Variants in PROSER2 observed in about 807,000 individuals in gnomAD.
PROSER2 encodes proline and serine rich 2.
Under a neutral mutation model 14.6 loss-of-function variants are expected in PROSER2, and 18 were observed. The ratio of observed to expected loss-of-function variants is 1.23; its 90% CI spans 0.85 to 1.83. PROSER2 has a LOEUF of 1.83. PROSER2 is among the 40% of genes most tolerant of loss of function. The probability of loss-of-function intolerance (pLI) is 0.00; values close to 1 mark genes in which losing one functional copy is unlikely to be tolerated. For synonymous variants in PROSER2, 367 were observed against 286.4 expected (o/e 1.28, Z -2.84); for missense variants, 823 against 629.8 (o/e 1.31, Z -3.28).
chr10:11,861,625 A>T (rs1451661708), intron 2 of PROSER2, among the ~76,000 whole-genome samples: 7 of 152,190 alleles, frequency 4.6e-5, no homozygotes, highest in African/African-American at 7.2e-5. Context: ...AGCAGGGAGC[A>T]AGAAGCGACA....
rs1050640599 is a variant in PROSER2 at position 11,866,159 on chromosome 10, C to T, written c.139-372C>T. On this transcript the variant is annotated intron_variant, in intron 2 of 3. Transcript: ENST00000277570. This position sits in a 1 kb window ranked among gnomAD's most constrained non-coding sequence, Gnocchi z 6.0. ...GAGAAAGGAGATAAATATGTGAGTT[C>T]AATCCACCATCTTTAAGCAGAGGTT... 1.3e-5 allele frequency among the ~76,000 whole-genome samples: 2 copies of T among 152,134 alleles called. No homozygotes were observed. Among genetic ancestry groups the T allele is most frequent in the Admixed American group, 1.3e-4 (2 of 15,280 alleles).
rs1198696407 is a variant in PROSER2, at chr10:11,869,682, T to C, written c.584T>C (p.Leu195Pro). 1.3e-6 allele frequency: 2 copies of C among 1,597,296 alleles called. No homozygotes were observed. Among genetic ancestry groups the C allele is most frequent in the South Asian group, 2.3e-5 (2 of 88,674 alleles). The change falls in exon 4 of 4, where the codon CTC becomes CCC. Residue 195 changes from leucine (L) to proline (P), a missense_variant. By Grantham distance (98) the Leu-to-Pro change is moderately conservative (BLOSUM62 -3). Transcript: ENST00000277570. The surrounding 1 kb of genome is among the most constrained non-coding windows in gnomAD (Gnocchi z 4.4). The part of the protein sequence containing the change: ...PRLLRSVPTP[L>P]VMAQKISERM... ...CTCCTGCGCTCTGTTCCCACGCCCCTCGTTATGGCGCAGAAGATTTCCGAG... is the reference window on the plus strand; with the variant it reads ...CTCCTGCGCTCTGTTCCCACGCCCCCCGTTATGGCGCAGAAGATTTCCGAG...
Position 11,870,078 on chromosome 10 carries a change from A to T in PROSER2, c.980A>T (p.Glu327Val). 1 of 1,276,776 alleles carries T rather than the reference A, an allele frequency of 7.8e-7. No individual in the cohort carries two copies. Among genetic ancestry groups the T allele is most frequent in the Non-Finnish European group, 9.9e-7 (1 of 1,011,934 alleles). The allele number at this position is 1,276,776 out of a possible 1,614,324, so 79.1% of individuals were successfully genotyped here. Residue 327 changes from glutamate to valine, a missense_variant, in exon 4 of 4, where the codon GAG (glutamate) becomes GTG (valine). Coordinates refer to ENST00000277570, the MANE Select transcript of PROSER2 (RefSeq NM_153256.4). ...GGCCGGGGCCTGCCGGGCCCCGCTG[A>T]GAGTCTCCGGGCAGGGGGTCAGGCT... Reference protein sequence around the residue: ...ARGRGLPGPAESLRAGGQAPR... With the variant: ...ARGRGLPGPAVSLRAGGQAPR...
rs1251003712 is a variant in PROSER2 at position 11,870,353 on chromosome 10, G to A, written c.1255G>A (p.Glu419Lys). 12 of 1,508,808 alleles carry A rather than the reference G, an allele frequency of 8.0e-6. No homozygotes were observed. The highest frequency in any genetic ancestry group is 1.8e-4 in the Middle Eastern group (1 of 5,572). The allele number at this position is 1,508,808 out of a possible 1,614,324, so 93.5% of individuals were successfully genotyped here. Residue 419 changes from glutamate (E) to lysine (K), a missense_variant, in exon 4 of 4, where the codon GAG (glutamate) becomes AAG (lysine). By Grantham distance (56) the Glu-to-Lys change is moderately conservative. Coordinates refer to ENST00000277570, the MANE Select transcript of PROSER2 (RefSeq NM_153256.4). The stretch of plus-strand genomic sequence containing the variant: ...GTTCGCGGGCCGCGGCTCCTCGGAG[G>A]AGGCGCGCAGGGAGGCCCTGCGGAA... ...VQFAGRGSSE[E>K]ARREALRKLG... is the part of the protein sequence containing the mutation.
chr10:11,852,813 C>T (rs1259460060), intron 2 of PROSER2, among the ~76,000 whole-genome samples: 5 of 151,164 alleles, frequency 3.3e-5, no homozygotes, highest in South Asian at 2.1e-4. Flanking sequence ...TGAGCCACCG[C>T]GCCAGGCCTC....
In PROSER2 at chr10:11,870,273, C is replaced by G. The variant is rs1164081365; in HGVS notation, c.1175C>G (p.Ala392Gly). The G allele has an allele frequency of 1.2e-5, 18 of 1,491,638 alleles. No homozygotes were observed. Among genetic ancestry groups the G allele is most frequent in the Middle Eastern group, 2.3e-4 (1 of 4,368 alleles). The allele number at this position is 1,491,638 out of a possible 1,614,324, so 92.4% of individuals were successfully genotyped here. A position where few individuals can be genotyped will look rare whatever the true frequency, so the allele number is the denominator to read the frequency against. The change falls in exon 4 of 4, where the codon GCC becomes GGC. Residue 392 changes from alanine (A) to glycine (G), a missense_variant. Transcript: ENST00000277570. ...CCCGGGCCCCGGCAGCCCAACGGCG[C>G]CCAGGACTGGCGCCGCGCAGACTCC... ...SFPGPRQPNG[A>G]QDWRRADSLP...
chr10:11,849,402 G>A (rs543845863), intron 1 of PROSER2, among the ~76,000 whole-genome samples: 86 of 152,250 alleles, frequency 5.6e-4, no homozygotes, highest in Middle Eastern at 3.4e-3. Flanking sequence ...GTAGGTCTAG[G>A]TCTGAGTCCC....
intron 1 of PROSER2, among the ~76,000 whole-genome samples, chr10:11,828,283 TAAAG>T (rs1833641801): frequency 6.8e-6 from 1 of 145,990 alleles, no homozygotes; most frequent in East Asian, 1.9e-4. Flanking sequence ...ACATATTACT[TAAAG>T]GAACTCTCTG....
intron 3 of PROSER2, among the ~76,000 whole-genome samples, chr10:11,868,458 G>T (rs1212098694): frequency 6.6e-6 from 1 of 151,826 alleles, no homozygotes; most frequent in African/African-American, 2.4e-5. Context: ...TTTTTGTAGT[G>T]ATGGGGTCTC....
At position 11,870,412 on chromosome 10, in the gene PROSER2, G is replaced by A. The variant is rs758487000; in HGVS notation, c.*6G>A. On this transcript the variant is annotated 3_prime_UTR_variant, in exon 4 of 4. Coordinates refer to ENST00000277570, the MANE Select transcript of PROSER2 (RefSeq NM_153256.4). ...TGCTCAGGGAGAGTTCGTGAGGGCC[G>A]CGCGGGCTCCAGTCCACCCCGTTTC... The A allele has an allele frequency of 5.3e-5, 78 of 1,481,480 alleles. No homozygotes were observed. In the African/African-American group the frequency reaches 9.7e-4, roughly 18 times the overall value. The allele number at this position is 1,481,480 out of a possible 1,614,324, so 91.8% of individuals were successfully genotyped here. A position where few individuals can be genotyped will look rare whatever the true frequency, so the allele number is the denominator to read the frequency against.
chr10:11,866,434 T>A lies in PROSER2; in HGVS notation c.139-97T>A. ...TCTCGGGACACAGTGAGTTCCGCCC[T>A]GGGCTGTGGACCAATCCCAACTTTG... is the stretch of plus-strand genomic sequence containing the variant. On this transcript the variant is annotated intron_variant, in intron 2 of 3. Coordinates refer to ENST00000277570, the MANE Select transcript of PROSER2 (RefSeq NM_153256.4). This position sits in a 1 kb window ranked among gnomAD's most constrained non-coding sequence, Gnocchi z 6.0. 6.8e-7 allele frequency: 1 copy of A among 1,475,226 alleles called. No individual in the cohort carries two copies. The allele number at this position is 1,475,226 out of a possible 1,614,324, so 91.4% of individuals were successfully genotyped here.
At chr10:11,846,552 T>C (rs1456995136) in intron 1 of PROSER2, among the ~76,000 whole-genome samples, 2 of 152,254 alleles carry the variant, frequency 1.3e-5, no homozygotes, top group Non-Finnish European at 1.5e-5. Context: ...TTTTTCTTCA[T>C]AAAAAGTTGT....
In PROSER2 at chr10:11,866,677, G is replaced by A. The variant is rs759123153; in HGVS notation, c.285G>A (p.Glu95=). 1 of 1,614,138 alleles carries A rather than the reference G, an allele frequency of 6.2e-7. No homozygotes were observed. The highest frequency in any genetic ancestry group is 8.5e-7 in the Non-Finnish European group (1 of 1,180,042). Residue 95 remains glutamate (E), a synonymous_variant, in exon 3 of 4, where the codon GAG becomes GAA. Coordinates refer to ENST00000277570, the MANE Select transcript of PROSER2 (RefSeq NM_153256.4). The surrounding 1 kb of genome is among the most constrained non-coding windows in gnomAD (Gnocchi z 6.0). ...GVCCLCSPSL[E]ESTSSPSEPE... is the part of the protein sequence containing the mutation. ...GCTGCCTCTGCTCCCCGTCTCTGGA[G>A]GAGAGCACCTCCAGTCCCTCCGAGC...
intron 1 of PROSER2, among the ~76,000 whole-genome samples, chr10:11,847,948 A>G (rs568775357): frequency 2.6e-5 from 4 of 152,288 alleles, no homozygotes; most frequent in African/African-American, 4.8e-5. Flanking sequence ...TAAATAATCT[A>G]TTGAATAGTT....
chr10:11,850,872 C>G (rs1453312682), intron 1 of PROSER2: 1 of 152,198 alleles, frequency 6.6e-6, no homozygotes, highest in Admixed American at 6.6e-5. Context: ...TTCTAGAAGG[C>G]TTTGTTGAAC....
rs1336402337 is a variant in PROSER2 at position 11,870,218 on chromosome 10, C to T, written c.1120C>T (p.Leu374=). ...KSLCFRPGPA[L]PSTRARQSFP... ...CCTCTGCTTCCGCCCTGGCCCGGCC[C>T]TGCCCAGCACGCGGGCCCGTCAGAG... Residue 374 remains leucine (L), a synonymous_variant, in exon 4 of 4, where the codon CTG becomes TTG. Transcript: ENST00000277570. 4 of 1,490,948 alleles carry T rather than the reference C, an allele frequency of 2.7e-6. No homozygotes were observed. Among genetic ancestry groups the T allele is most frequent in the Non-Finnish European group, 3.5e-6 (4 of 1,127,798 alleles). The allele number at this position is 1,490,948 out of a possible 1,614,324, so 92.4% of individuals were successfully genotyped here.
intron 1 of PROSER2, among the ~76,000 whole-genome samples, chr10:11,841,195 A>G (rs1833841233): frequency 6.6e-6 from 1 of 151,508 alleles, no homozygotes. Flanking sequence ...CTTTAACGAG[A>G]TATTCTTCCA....
At position 11,865,745 on chromosome 10, in the gene PROSER2, C is replaced by T. The variant is rs576965184; in HGVS notation, c.139-786C>T. Among the ~76,000 whole-genome samples the T allele has an allele frequency of 1.6e-4, 25 of 152,326 alleles. No individual in the cohort carries two copies. The East Asian group carries it at 2.1e-3, about 13-fold the overall frequency. On this transcript the variant is annotated intron_variant, in intron 2 of 3. Coordinates refer to ENST00000277570, the MANE Select transcript of PROSER2 (RefSeq NM_153256.4). The surrounding 1 kb of genome is among the most constrained non-coding windows in gnomAD (Gnocchi z 4.2). ...CGGCACTCCACCGTCAGCTTTGCTC[C>T]GTGGCCCCACTTCAGGGTTCCTCTG...
chr10:11,834,250 C>A (rs1833727999), intron 1 of PROSER2, among the ~76,000 whole-genome samples: 1 of 150,852 alleles, frequency 6.6e-6, no homozygotes, highest in African/African-American at 2.4e-5. Context: ...ACCTCGGCCT[C>A]CCAAAGTGCT....
Sources: gnomAD v4.1 joint callset for allele counts (sites outside exome capture counted in the v4.1 genomes callset) on GRCh38, gnomAD v4.1.1 for gene constraint, Gnocchi (gnomAD v3.1) non-coding constraint, MANE v1.5 for transcripts, NCBI Gene and HGNC (gene_info 2026-07-23, HGNC 2026-07-21) for gene names.